Variants in SIPA1L3 observed in about 807,000 individuals in gnomAD.
SIPA1L3 encodes the protein signal-induced proliferation-associated 1-like protein 3.
A neutral mutation model predicts 150.1 loss-of-function variants in SIPA1L3; 59 were observed. The ratio of observed to expected loss-of-function variants is 0.39; its 90% CI spans 0.32 to 0.49. The LOEUF is 0.49. SIPA1L3 is among the 20% of genes least tolerant of loss of function. The pLI is 0.86. For synonymous variants in SIPA1L3, 1,070 were observed against 1,077.6 expected, an observed-to-expected ratio of 0.99 and a Z score of 0.14; for missense variants, 2,211 against 2,489.5, an observed-to-expected ratio of 0.89 and a Z score of 2.38.
At chr19:38,139,762 G>A (rs1389249306) in intron 10 of SIPA1L3, among the ~76,000 whole-genome samples, 1 of 152,200 alleles carries the variant, frequency 6.6e-6, no homozygotes, top group Non-Finnish European at 1.5e-5. Context: ...TCTCACAGTT[G>A]TGGGGGCTGC....
At chr19:38,113,279 G>C (rs1970807931) in intron 8 of SIPA1L3, among the ~76,000 whole-genome samples, 1 of 151,232 alleles carries the variant, frequency 6.6e-6, no homozygotes, top group Admixed American at 6.6e-5. Context: ...TTCCTTACCT[G>C]CTCCATGTGC....
chr19:37,938,238 A>C (rs952519060), intron 1 of SIPA1L3, among the ~76,000 whole-genome samples: 4 of 152,066 alleles, frequency 2.6e-5, no homozygotes, highest in Non-Finnish European at 5.9e-5. Context: ...GCCAATGGAC[A>C]TTTTGTTTTC....
intron 18 of SIPA1L3, among the ~76,000 whole-genome samples, chr19:38,195,359 C>A (rs921656352): frequency 6.6e-6 from 1 of 152,338 alleles, no homozygotes; most frequent in African/African-American, 2.4e-5. Flanking sequence ...TCCAGAGCTT[C>A]TGGGCCCTCC....
At chr19:37,971,277 G>A (rs1263733066) in intron 1 of SIPA1L3, among the ~76,000 whole-genome samples, 1 of 151,804 alleles carries the variant, frequency 6.6e-6, no homozygotes, top group Non-Finnish European at 1.5e-5. Flanking sequence ...CACTGCACCT[G>A]GCATATTTGC....
At chr19:37,942,367 C>A (rs1454702232) in intron 1 of SIPA1L3, among the ~76,000 whole-genome samples, 1 of 151,910 alleles carries the variant, frequency 6.6e-6, no homozygotes, top group Non-Finnish European at 1.5e-5. Context: ...GGGGGAGAGC[C>A]TCCTCGGGGT....
intron 2 of SIPA1L3, among the ~76,000 whole-genome samples, chr19:38,065,919 T>TTATTTATC (rs1555782617): frequency 3.8e-5 from 4 of 104,164 alleles, no homozygotes; most frequent in Non-Finnish European, 8.0e-5. Context: ...ATTTATCTAT[T>TTATTTATC]TATTTATTTA....
intron 18 of SIPA1L3, among the ~76,000 whole-genome samples, chr19:38,198,010 T>C (rs1973001123): frequency 6.6e-6 from 1 of 152,152 alleles, no homozygotes; most frequent in African/African-American, 2.4e-5. Flanking sequence ...TCTCGCCTCC[T>C]GCTGCTTCCT....
At chr19:38,017,327 C>A (rs1968259344) in intron 1 of SIPA1L3, among the ~76,000 whole-genome samples, 1 of 152,154 alleles carries the variant, frequency 6.6e-6, no homozygotes. Flanking sequence ...TTGAATCCAG[C>A]AGAAAATCAG....
At chr19:37,922,116 G>A (rs1232438246) in intron 1 of SIPA1L3, among the ~76,000 whole-genome samples, 1 of 151,786 alleles carries the variant, frequency 6.6e-6, no homozygotes, top group Non-Finnish European at 1.5e-5. Context: ...ATTGAGTTTC[G>A]CTGTTTCACC....
At chr19:38,156,419 C>T (rs1426694770) in intron 13 of SIPA1L3, among the ~76,000 whole-genome samples, 1 of 151,324 alleles carries the variant, frequency 6.6e-6, no homozygotes, top group Non-Finnish European at 1.5e-5. Flanking sequence ...CCTCTTCTGT[C>T]CCCTGGAGCT....
At chr19:38,178,545 G>A (rs1294508228) in intron 15 of SIPA1L3, among the ~76,000 whole-genome samples, 3 of 152,006 alleles carry the variant, frequency 2.0e-5, no homozygotes, top group East Asian at 1.9e-4. Context: ...GTGCGATCTC[G>A]GCTCACTGCA....
intron 4 of SIPA1L3, among the ~76,000 whole-genome samples, chr19:38,094,872 GC>G (rs1970343144): frequency 6.6e-6 from 1 of 152,038 alleles, no homozygotes; most frequent in Admixed American, 6.6e-5. Flanking sequence ...TTCGAGACCA[GC>G]CTGGTCAACA....
chr19:37,924,764 A>G (rs751676554), intron 1 of SIPA1L3, among the ~76,000 whole-genome samples: 1 of 151,992 alleles, frequency 6.6e-6, no homozygotes, highest in African/African-American at 2.4e-5. Flanking sequence ...TGTACTGTAC[A>G]TGGGCTGGGT....
chr19:38,163,923 G>A (rs1194868934), intron 14 of SIPA1L3, among the ~76,000 whole-genome samples: 1 of 152,190 alleles, frequency 6.6e-6, no homozygotes, highest in Non-Finnish European at 1.5e-5. Context: ...ACAGGGGGAT[G>A]AGGGTGCAGA....
At chr19:38,159,440 G>A (rs534255840) in intron 13 of SIPA1L3, among the ~76,000 whole-genome samples, 93 of 152,348 alleles carry the variant, frequency 6.1e-4, no homozygotes, top group African/African-American at 2.2e-3. Flanking sequence ...TCCCACTCCT[G>A]TAGTGGACAT....
intron 1 of SIPA1L3, among the ~76,000 whole-genome samples, chr19:37,986,415 C>A (rs1568489820): frequency 6.6e-6 from 1 of 152,238 alleles, no homozygotes; most frequent in African/African-American, 2.4e-5. Flanking sequence ...CATTCGACTT[C>A]TGTTTCTCCA....
intron 2 of SIPA1L3, among the ~76,000 whole-genome samples, chr19:38,079,042 G>A (rs1034831842): frequency 1.3e-5 from 2 of 152,136 alleles, no homozygotes; most frequent in African/African-American, 4.8e-5. Context: ...AATACTAAAC[G>A]AACGTCCTGG....
At chr19:38,043,429 C>T (rs965340975) in intron 2 of SIPA1L3, among the ~76,000 whole-genome samples, 1 of 151,990 alleles carries the variant, frequency 6.6e-6, no homozygotes, top group African/African-American at 2.4e-5. Flanking sequence ...ATCCACAGTC[C>T]CAGGTGGAAT....
intron 4 of SIPA1L3, among the ~76,000 whole-genome samples, chr19:38,090,840 C>A (rs1286989384): frequency 1.3e-5 from 2 of 152,206 alleles, no homozygotes; most frequent in Admixed American, 1.3e-4. Context: ...CTGACCAAGA[C>A]CTTCCCACTG....
Sources: gnomAD v4.1 joint callset for allele counts (sites outside exome capture counted in the v4.1 genomes callset) on GRCh38, gnomAD v4.1.1 for gene constraint, MANE v1.5 for transcripts, NCBI Gene and HGNC (gene_info 2026-07-23, HGNC 2026-07-21) for gene names.